CCDC9: variants seen among roughly 807,000 people sequenced by gnomAD.
The protein encoded by CCDC9 is coiled-coil domain-containing protein 9.
A neutral mutation model predicts 65.6 loss-of-function variants in CCDC9; 52 were observed. The observed-to-expected ratio is 0.79, with a 90% CI of 0.63 to 1.00. The LOEUF (loss-of-function observed/expected upper bound fraction) is 1.00. CCDC9 is among the 50% of genes least tolerant of loss of function. The pLI is 0.00. For missense variants in CCDC9, 834 were observed against 757.2 expected (o/e 1.10, Z -1.19); for synonymous variants, 332 against 280.3 (o/e 1.18, Z -1.84).
rs540962403 is a variant in CCDC9 at position 47,258,315 on chromosome 19, T to TC, written c.-71-12dup. On this transcript the variant is annotated splice_polypyrimidine_tract_variant and intron_variant, in intron 1 of 11. Coordinates refer to ENST00000221922, the MANE Select transcript of CCDC9 (RefSeq NM_015603.3). ...GGGCCATTGGCCTTTGTCCTTTTTT[T>TC]CCCTCTGTCCCCAGGAACCCTCAGT... 4.1e-4 allele frequency: 613 copies of TC among 1,480,124 alleles called. 7 individuals carry two copies. The East Asian group carries it at 0.013, about 30-fold the overall frequency. The allele number at this position is 1,480,124 out of a possible 1,614,324, so 91.7% of individuals were successfully genotyped here. A position where few individuals can be genotyped will look rare whatever the true frequency, so the allele number is the denominator to read the frequency against.
intron 5 of CCDC9, among the ~76,000 whole-genome samples, chr19:47,261,194 G>A (rs1303335448): frequency 6.6e-6 from 1 of 151,000 alleles, no homozygotes; most frequent in African/African-American, 2.4e-5. Context: ...CCTTTTTCTC[G>A]CTCTCTGGTG....
intron 1 of CCDC9, 112 bp from the exon 2 acceptor site, chr19:47,258,218 T>C: frequency 1.6e-6 from 1 of 636,206 alleles, no homozygotes; most frequent in Non-Finnish European, 2.8e-6. Context: ...GCTACAATTC[T>C]CTTGGGGTAC....
At chr19:47,273,468 C>T (rs2059136599), downstream of CCDC9, 4 of 1,036,082 alleles carry the variant, frequency 3.9e-6, no homozygotes, top group Non-Finnish European at 3.7e-6. Context: ...TGACCGCGCC[C>T]GCCGGACCGC....
chr19:47,259,945 G>A (rs905898127), intron 3 of CCDC9, among the ~76,000 whole-genome samples: 10 of 152,194 alleles, frequency 6.6e-5, no homozygotes, highest in Admixed American at 2.6e-4. Context: ...AGGGTCTCTG[G>A]GAAAAGTGTT....
intron 2 of CCDC9, 68 bp downstream of exon 2, chr19:47,258,471 A>T: frequency 6.2e-7 from 1 of 1,608,350 alleles, no homozygotes; most frequent in Non-Finnish European, 8.5e-7. Context: ...GATGGGATCC[A>T]TAGGGGCAGA....
chr19:47,256,909 G>C (rs1053357295), intron 1 of CCDC9, among the ~76,000 whole-genome samples: 44 of 151,786 alleles, frequency 2.9e-4, no homozygotes, highest in African/African-American at 9.0e-4. Flanking sequence ...GGGCTCGGAC[G>C]CCGGGCGGAA....
At chr19:47,261,177 C>T (rs996436229) in intron 5 of CCDC9, among the ~76,000 whole-genome samples, 5 of 152,054 alleles carry the variant, frequency 3.3e-5, no homozygotes, top group African/African-American at 1.2e-4. Flanking sequence ...CTGTCCCTCT[C>T]TGTCTCCCTT....
intron 8 of CCDC9, 86 bp downstream of exon 8, chr19:47,266,878 C>T: frequency 6.7e-7 from 1 of 1,489,226 alleles, no homozygotes; most frequent in Non-Finnish European, 9.0e-7. Flanking sequence ...CTGGTTTTTC[C>T]TGCTGTGTAT....
In CCDC9 at chr19:47,258,362, G is replaced by A. The variant is rs1357856925; in HGVS notation, c.-39G>A. The A allele has an allele frequency of 7.4e-6, 12 of 1,612,844 alleles. No individual in the cohort carries two copies. The highest frequency in any genetic ancestry group is 1.0e-5 in the Non-Finnish European group (12 of 1,178,858). On this transcript the variant is annotated 5_prime_UTR_variant, in exon 2 of 12. Transcript: ENST00000221922. ...CAGTGCTGCGTCTAGATTCTGCAGG[G>A]GAGGTTTGCTGGGACCTTGGCTCCA...
At chr19:47,258,426 C>G (rs1032005161) in intron 2 of CCDC9, 23 bp downstream of exon 2, 1 of 1,613,936 alleles carries the variant, frequency 6.2e-7, no homozygotes, top group East Asian at 2.2e-5. Context: ...AATGGGGTCT[C>G]TAGAATCTGA....
chr19:47,258,583 AAGG>A lies in CCDC9; in HGVS notation c.34_36del (p.Glu12del), dbSNP rs756373331. On this transcript the variant is annotated inframe_deletion, in exon 3 of 12. Transcript: ENST00000221922. ...GGCAGCCACACTCGATTTGAAATCA[AAGG>A]AGGAGAAGGATGCTGAGTTGGACAA... 2 of 1,614,080 alleles carry A rather than the reference AAGG, an allele frequency of 1.2e-6. No individual in the cohort carries two copies. Among genetic ancestry groups the A allele is most frequent in the Non-Finnish European group, 8.5e-7 (1 of 1,179,970 alleles).
In CCDC9 at chr19:47,264,800, C is replaced by T. The variant is rs779619274; in HGVS notation, c.574C>T (p.Arg192Trp). ...AGGGGTTCTTGAACCCAACCCAGTG[C>T]GGAACTTCCTGGACGACCCCCGGCG... ...REGVLEPNPVRNFLDDPRRRS... is the reference protein window; with the variant it reads ...REGVLEPNPVWNFLDDPRRRS... The change falls in exon 7 of 12, where the codon CGG (arginine) becomes TGG (tryptophan). Residue 192 changes from arginine to tryptophan, a missense_variant. Arg to Trp is a moderately radical substitution (Grantham distance 101). Transcript: ENST00000221922. The T allele has an allele frequency of 9.4e-6, 15 of 1,588,120 alleles. No homozygotes were observed. The highest frequency in any genetic ancestry group is 8.6e-5 in the Admixed American group (5 of 57,814).
In CCDC9 at chr19:47,264,601, A is replaced by G. The variant is rs2059068130; in HGVS notation, c.463-2A>G. 1.9e-6 allele frequency: 3 copies of G among 1,592,738 alleles called. No individual in the cohort carries two copies. Among genetic ancestry groups the G allele is most frequent in the Non-Finnish European group, 2.6e-6 (3 of 1,169,724 alleles). On this transcript the variant is annotated splice_acceptor_variant, in intron 5 of 11. Transcript: ENST00000221922. LOFTEE classifies it high-confidence loss of function. ...TGGGTGTCCCTATCTTTATCCCCCC[A>G]GGAGTGGGAGGAGCGGCGCAGGCAG... is the stretch of plus-strand genomic sequence containing the variant.
At position 47,269,054 on chromosome 19, in the gene CCDC9, T is replaced by C. The variant is rs542885589; in HGVS notation, c.903-1353T>C. Among the ~76,000 whole-genome samples, 612 of 152,108 alleles carry C rather than the reference T, an allele frequency of 4.0e-3. 3 individuals are homozygous for C. Among genetic ancestry groups the C allele is most frequent in the Non-Finnish European group, 6.9e-3 (469 of 67,986 alleles). Reference sequence around the variant, plus strand: ...TGAACCCAGGAGGTTTGCAGTGAGCTGTTATGATGCCACTGCACTCCAGCC... The same window carrying C: ...TGAACCCAGGAGGTTTGCAGTGAGCCGTTATGATGCCACTGCACTCCAGCC... On this transcript the variant is annotated intron_variant, in intron 8 of 11. Coordinates refer to ENST00000221922, the MANE Select transcript of CCDC9 (RefSeq NM_015603.3).
downstream of CCDC9, chr19:47,274,663 G>T: frequency 4.0e-6 from 1 of 251,854 alleles, no homozygotes; most frequent in Non-Finnish European, 7.1e-6. Flanking sequence ...TGATTGGGGT[G>T]GTGGGGCTAA....
chr19:47,260,645 A>T lies in CCDC9; in HGVS notation c.268A>T (p.Ser90Cys). The T allele has an allele frequency of 6.6e-7, 1 of 1,524,232 alleles. No individual in the cohort carries two copies. Among genetic ancestry groups the T allele is most frequent in the Non-Finnish European group, 8.7e-7 (1 of 1,145,160 alleles). The allele number at this position is 1,524,232 out of a possible 1,614,324, so 94.4% of individuals were successfully genotyped here. A position where few individuals can be genotyped will look rare whatever the true frequency, so the allele number is the denominator to read the frequency against. Residue 90 changes from serine (S) to cysteine (C), a missense_variant, in exon 5 of 12, where the codon AGC becomes TGC. Ser to Cys is a moderately radical substitution (Grantham distance 112). Transcript: ENST00000221922. The stretch of plus-strand genomic sequence containing the variant: ...TGGGACCCCTCGGCCCCCAGGGGCC[A>T]GCAAGGGGGGCCGGACTCCTCCACA... The part of the protein sequence containing the change: ...SPGTPRPPGA[S>C]KGGRTPPQQG...
At chr19:47,269,775 G>A (rs1009785027) in intron 8 of CCDC9, among the ~76,000 whole-genome samples, 1 of 152,152 alleles carries the variant, frequency 6.6e-6, no homozygotes, top group Non-Finnish European at 1.5e-5. Context: ...AGCTAGGTGT[G>A]GTGGAAGAGC....
rs117669851 is a variant in CCDC9 at position 47,269,055 on chromosome 19, G to T, written c.903-1352G>T. On this transcript the variant is annotated intron_variant, in intron 8 of 11. Coordinates refer to ENST00000221922, the MANE Select transcript of CCDC9 (RefSeq NM_015603.3). ...GAACCCAGGAGGTTTGCAGTGAGCT[G>T]TTATGATGCCACTGCACTCCAGCCT... Among the ~76,000 whole-genome samples the T allele has an allele frequency of 4.0e-3, 612 of 152,180 alleles. 3 individuals are homozygous for T. The highest frequency in any genetic ancestry group is 6.9e-3 in the Non-Finnish European group (469 of 68,008).
chr19:47,261,241 T>C (rs1303238966), intron 5 of CCDC9, among the ~76,000 whole-genome samples: 1 of 152,056 alleles, frequency 6.6e-6, no homozygotes, highest in African/African-American at 2.4e-5. Flanking sequence ...CCATCTCTCC[T>C]CCCTTTCTGG....
Sources: gnomAD v4.1 joint callset for allele counts (sites outside exome capture counted in the v4.1 genomes callset) on GRCh38, gnomAD v4.1.1 for gene constraint, MANE v1.5 for transcripts, NCBI Gene and HGNC (gene_info 2026-07-23, HGNC 2026-07-21) for gene names.